MYO1D: variants seen among roughly 807,000 people sequenced by gnomAD.
MYO1D encodes the protein unconventional myosin-Id.
Under a neutral mutation model 122.0 loss-of-function variants are expected in MYO1D, and 83 were observed. That is an observed-to-expected ratio of 0.68 (90% CI 0.57 to 0.82). The LOEUF is 0.82. Among genes scored for constraint, MYO1D ranks in the 40% least tolerant of loss-of-function variants. The pLI is 0.00. For missense variants in MYO1D, 1,157 were observed against 1,269.5 expected (o/e 0.91, Z 1.35); for synonymous variants, 464 against 446.9 (o/e 1.04, Z -0.48).
intron 14 of MYO1D, chr17:32,727,609 C>T (rs1042977007): frequency 6.6e-6 from 1 of 151,924 alleles, no homozygotes; most frequent in Non-Finnish European, 1.5e-5. Context: ...CTTTCTCCCA[C>T]AATAATCAAT....
At chr17:32,729,036 T>G (rs1194397386) in intron 14 of MYO1D, among the ~76,000 whole-genome samples, 2 of 152,240 alleles carry the variant, frequency 1.3e-5, no homozygotes, top group Non-Finnish European at 2.9e-5. Flanking sequence ...CTCTCTCATT[T>G]ATAAATATCC....
intron 21 of MYO1D, among the ~76,000 whole-genome samples, chr17:32,524,046 T>A (rs1269371417): frequency 6.6e-6 from 1 of 152,262 alleles, no homozygotes; most frequent in East Asian, 1.9e-4. Context: ...GTAATCAGCA[T>A]GTGCTGCTGC....
At chr17:32,693,292 G>A (rs1386965361) in intron 16 of MYO1D, among the ~76,000 whole-genome samples, 2 of 151,544 alleles carry the variant, frequency 1.3e-5, no homozygotes, top group African/African-American at 4.9e-5. Flanking sequence ...CCACCTATAG[G>A]GGCCAGAAAA....
chr17:32,832,502 G>A (rs2090781697), intron 1 of MYO1D, among the ~76,000 whole-genome samples: 1 of 152,022 alleles, frequency 6.6e-6, no homozygotes, highest in African/African-American at 2.4e-5. Flanking sequence ...GTTTCACCGT[G>A]TTAGCCAGGA....
At chr17:32,552,799 A>C (rs2087030219) in intron 21 of MYO1D, among the ~76,000 whole-genome samples, 1 of 152,340 alleles carries the variant, frequency 6.6e-6, no homozygotes, top group African/African-American at 2.4e-5. Flanking sequence ...AAACCACAGA[A>C]CGAAGATGGA....
chr17:32,654,631 A>C lies in MYO1D; in HGVS notation c.2346-10T>G, dbSNP rs570204884. 43 of 1,593,298 alleles carry C rather than the reference A, an allele frequency of 2.7e-5. No homozygotes were observed. The South Asian group carries it at 4.8e-4, about 18-fold the overall frequency. The stretch of plus-strand genomic sequence containing the variant: ...CTGGGATGCTCTCCATCTACAAGTA[A>C]ATAGACAACATGTATTAGACTTTAG... On this transcript the variant is annotated splice_polypyrimidine_tract_variant and intron_variant, in intron 17 of 21. Coordinates refer to ENST00000318217, the MANE Select transcript of MYO1D (RefSeq NM_015194.3).
At chr17:32,557,618 C>A (rs1441640515) in intron 21 of MYO1D, among the ~76,000 whole-genome samples, 1 of 151,938 alleles carries the variant, frequency 6.6e-6, no homozygotes, top group African/African-American at 2.4e-5. Flanking sequence ...CCGTTACCCA[C>A]CCTCACCCCC....
intron 21 of MYO1D, among the ~76,000 whole-genome samples, chr17:32,559,570 T>C (rs2087099431): frequency 6.6e-6 from 1 of 152,230 alleles, no homozygotes; most frequent in Admixed American, 6.5e-5. Flanking sequence ...TCTTTTTCTG[T>C]CCATAAACAT....
chr17:32,687,638 T>A (rs1256417348), intron 16 of MYO1D, among the ~76,000 whole-genome samples: 1 of 152,218 alleles, frequency 6.6e-6, no homozygotes, highest in Non-Finnish European at 1.5e-5. Context: ...CCACTGTGCC[T>A]GGCCCAGTTG....
At chr17:32,651,272 TGTTTCCCA>T (rs2088383569) in intron 19 of MYO1D, among the ~76,000 whole-genome samples, 1 of 152,226 alleles carries the variant, frequency 6.6e-6, no homozygotes, top group African/African-American at 2.4e-5. Context: ...TTTGGGTTGC[TGTTTCCCA>T]GCCTTGAGTT....
chr17:32,817,921 T>C (rs1439319057), intron 1 of MYO1D, among the ~76,000 whole-genome samples: 4 of 150,750 alleles, frequency 2.7e-5, no homozygotes, highest in Non-Finnish European at 5.9e-5. Flanking sequence ...GGTCAGGAGA[T>C]CGAGACCATC....
chr17:32,624,869 C>A (rs2087906322), intron 20 of MYO1D, among the ~76,000 whole-genome samples: 1 of 151,644 alleles, frequency 6.6e-6, no homozygotes, highest in African/African-American at 2.4e-5. Flanking sequence ...TGGCTCACTG[C>A]AACCTCCGCC....
chr17:32,711,873 T>C lies in MYO1D; in HGVS notation c.2121+115A>G, dbSNP rs192444714. On this transcript the variant is annotated intron_variant, in intron 16 of 21. Transcript: ENST00000318217. ...AACAGAAAACATTTTAAGATATGCATAGACATAAAACAACATATCTTCCAG... is the reference window on the plus strand; with the variant it reads ...AACAGAAAACATTTTAAGATATGCACAGACATAAAACAACATATCTTCCAG... 4.4e-4 allele frequency: 384 copies of C among 874,738 alleles called. No individual in the cohort carries two copies. The African/African-American group carries it at 5.8e-3, about 13-fold the overall frequency. 54.2% of individuals were successfully genotyped at this position (874,738 alleles called of 1,614,324 possible). A position where few individuals can be genotyped will look rare whatever the true frequency, so the allele number is the denominator to read the frequency against.
At chr17:32,501,624 A>G (rs1193394682) in intron 21 of MYO1D, among the ~76,000 whole-genome samples, 3 of 152,190 alleles carry the variant, frequency 2.0e-5, no homozygotes, top group African/African-American at 7.2e-5. Context: ...AGAGCTGGAC[A>G]CATGGAGGCT....
intron 16 of MYO1D, among the ~76,000 whole-genome samples, chr17:32,703,448 C>CT (rs1447117171): frequency 2.7e-5 from 4 of 149,820 alleles, no homozygotes; most frequent in African/African-American, 9.8e-5. Flanking sequence ...ATCCCTTTTG[C>CT]TTGTTTTTTT....
At chr17:32,827,475 A>T (rs1349681560) in intron 1 of MYO1D, among the ~76,000 whole-genome samples, 1 of 152,212 alleles carries the variant, frequency 6.6e-6, no homozygotes, top group Non-Finnish European at 1.5e-5. Context: ...GGAAATGGGT[A>T]GTGGTGACAG....
At position 32,516,783 on chromosome 17, in the gene MYO1D, T is replaced by G. The variant is rs1393159048; in HGVS notation, c.2865-21868A>C. On this transcript the variant is annotated intron_variant, in intron 21 of 21. Transcript: ENST00000318217. Reference sequence around the variant, plus strand: ...TACAGGCCTTATTTACTGCCTGCATTGTTACCTGGGAGAGAGAGAGCAGAA... The same window carrying G: ...TACAGGCCTTATTTACTGCCTGCATGGTTACCTGGGAGAGAGAGAGCAGAA... Among the ~76,000 whole-genome samples, 10 of 152,350 alleles carry G rather than the reference T, an allele frequency of 6.6e-5. 1 individual carries two copies. In the South Asian group the frequency reaches 1.9e-3, roughly 28 times the overall value.
At chr17:32,556,525 G>A (rs2087069899) in intron 21 of MYO1D, among the ~76,000 whole-genome samples, 2 of 151,270 alleles carry the variant, frequency 1.3e-5, no homozygotes, top group Admixed American at 6.6e-5. Context: ...ACTGTAAACC[G>A]TGCAGACACA....
intron 1 of MYO1D, among the ~76,000 whole-genome samples, chr17:32,796,978 G>GT (rs374568670): frequency 0.03 from 4,322 of 146,164 alleles, 95 homozygotes; most frequent in African/African-American, 0.055. Flanking sequence ...CACTTTTGTT[G>GT]TTTTTTTTTT....
Sources: gnomAD v4.1 joint callset for allele counts (sites outside exome capture counted in the v4.1 genomes callset) on GRCh38, gnomAD v4.1.1 for gene constraint, MANE v1.5 for transcripts, NCBI Gene and HGNC (gene_info 2026-07-23, HGNC 2026-07-21) for gene names.